Variants in COL5A3 observed in about 807,000 individuals in gnomAD.
COL5A3 encodes collagen type V alpha 3 chain.
COL5A3 carries 172 observed loss-of-function variants against 250.0 expected under a neutral mutation model. The observed-to-expected ratio is 0.69, with a 90% CI of 0.61 to 0.78. The LOEUF is 0.78. Ranked by LOEUF, COL5A3 falls within the 30% of genes least tolerant of loss-of-function variation. The pLI, the probability that COL5A3 is intolerant of heterozygous loss-of-function variation, is 0.00. For synonymous variants in COL5A3, 937 were observed against 900.4 expected (o/e 1.04, Z -0.73); for missense variants, 2,340 against 2,334.4 (o/e 1.00, Z -0.05).
rs749019591 is a variant in COL5A3, at chr19:9,977,211, C to T, written c.3288+18G>A. 34 of 1,612,494 alleles carry T rather than the reference C, an allele frequency of 2.1e-5. No homozygotes were observed. Among genetic ancestry groups the T allele is most frequent in the Non-Finnish European group, 2.9e-5 (34 of 1,178,678 alleles). The stretch of plus-strand genomic sequence containing the variant: ...CCGCTACCCACCCCACCCTGCCCCA[C>T]TGGGGACCTTCACTCACCGCGTCTC... On this transcript the variant is annotated intron_variant, in intron 44 of 66. Transcript: ENST00000264828.
chr19:9,996,561 C>A (rs765794137), intron 12 of COL5A3, 45 bp from the exon 13 acceptor site: 14 of 1,613,392 alleles, frequency 8.7e-6, no homozygotes, highest in Non-Finnish European at 1.1e-5. Flanking sequence ...GAGAGGCCCC[C>A]TCCTGGATCA....
At chr19:9,970,912 T>G in intron 53 of COL5A3, 63 bp downstream of exon 53, 15 of 1,074,782 alleles carry the variant, frequency 1.4e-5, no homozygotes, top group Non-Finnish European at 2.0e-5. Context: ...GCCCCCCCAA[T>G]TCACTCACTC....
In COL5A3 at chr19:9,995,643, G is replaced by T. The variant is rs375612457; in HGVS notation, c.1534-26C>A. 9 of 1,537,394 alleles carry T rather than the reference G, an allele frequency of 5.9e-6. No homozygotes were observed. In the African/African-American group the frequency reaches 1.1e-4, roughly 19 times the overall value. ...CTAGAAGAAAGCAAAAAGGAGGAAG[G>T]AAAGGAAAATAAGAAGAAAGAGGGA... On this transcript the variant is annotated intron_variant, in intron 15 of 66. Transcript: ENST00000264828.
chr19:10,009,163 TGTG>T lies in COL5A3; in HGVS notation c.88+1132_88+1134del, dbSNP rs769200555. Among the ~76,000 whole-genome samples the T allele has an allele frequency of 0.093, 3,218 of 34,720 alleles. 53 individuals carry two copies. Among genetic ancestry groups the T allele is most frequent in the Middle Eastern group, 0.17 (17 of 98 alleles). 22.8% of individuals were successfully genotyped at this position (34,720 alleles called of 152,430 possible). A position where few individuals can be genotyped will look rare whatever the true frequency, so the allele number is the denominator to read the frequency against. On this transcript the variant is annotated intron_variant, in intron 1 of 66. Coordinates refer to ENST00000264828, the MANE Select transcript of COL5A3 (RefSeq NM_015719.4). This position sits in a 1 kb window ranked among gnomAD's most constrained non-coding sequence, Gnocchi z 4.4. ...CTCCAAAGTAAGAAGTGTGCTGTGGTGTGTGTGTGTGTGTGTGTGTGTGTGTGT... is the reference window on the plus strand; with the variant it reads ...CTCCAAAGTAAGAAGTGTGCTGTGGTTGTGTGTGTGTGTGTGTGTGTGTGT...
chr19:9,996,701 A>T lies in COL5A3; in HGVS notation c.1264-12T>A, dbSNP rs748770269. 1.3e-6 allele frequency: 2 copies of T among 1,594,824 alleles called. No individual in the cohort carries two copies. The highest frequency in any genetic ancestry group is 1.7e-6 in the Non-Finnish European group (2 of 1,174,170). ...AGGCCAGCAGGGCCCTGAGAGAGGGATGGGGGAAGAGAGGTGGAGACAGGG... is the reference window on the plus strand; with the variant it reads ...AGGCCAGCAGGGCCCTGAGAGAGGGTTGGGGGAAGAGAGGTGGAGACAGGG... On this transcript the variant is annotated splice_polypyrimidine_tract_variant and intron_variant, in intron 11 of 66. Coordinates refer to ENST00000264828, the MANE Select transcript of COL5A3 (RefSeq NM_015719.4).
chr19:9,993,954 C>T, intron 16 of COL5A3, 148 bp from the exon 17 acceptor site: 1 of 684,012 alleles, frequency 1.5e-6, no homozygotes, highest in East Asian at 2.7e-5. Context: ...GTGGCACGTT[C>T]TCAGCTCACT....
intron 6 of COL5A3, among the ~76,000 whole-genome samples, chr19:10,002,738 A>G (rs757397892): frequency 6.6e-6 from 1 of 152,128 alleles, no homozygotes; most frequent in South Asian, 2.1e-4. Context: ...CCCATAAATG[A>G]GCGCAACAAA....
chr19:9,975,710 T>C (rs1372605085), intron 45 of COL5A3, among the ~76,000 whole-genome samples: 1 of 151,108 alleles, frequency 6.6e-6, no homozygotes, highest in African/African-American at 2.4e-5. Context: ...GATTCTGGAG[T>C]TGAGTTCACA....
Position 9,974,334 on chromosome 19 carries a change from G to A in COL5A3, c.3417C>T (p.Gly1139=), listed in dbSNP as rs759984181. The change falls in exon 46 of 67, where the codon GGC becomes GGT. Residue 1139 remains glycine, a synonymous_variant. Transcript: ENST00000264828. ...CAGGAGGGCCAATCACCCCCACAAA[G>A]CCTCTGACTCCGTCATCTCCTTTCT... is the stretch of plus-strand genomic sequence containing the variant. ...FGQKGDDGVR[G]FVGVIGPPGL... 1 of 1,612,578 alleles carries A rather than the reference G, an allele frequency of 6.2e-7. No individual in the cohort carries two copies.
chr19:9,985,827 C>A lies in COL5A3; in HGVS notation c.2406+15G>T, dbSNP rs1399344086. On this transcript the variant is annotated intron_variant, in intron 31 of 66. Coordinates refer to ENST00000264828, the MANE Select transcript of COL5A3 (RefSeq NM_015719.4). ...TGCCCATATCCATCTCCACCCCCCA[C>A]CCCCAGCTTCCTACCTTAGGTCCAG... 1 of 1,610,364 alleles carries A rather than the reference C, an allele frequency of 6.2e-7. No individual in the cohort carries two copies. Among genetic ancestry groups the A allele is most frequent in the African/African-American group, 1.3e-5 (1 of 74,802 alleles).
intron 4 of COL5A3, 71 bp downstream of exon 4, chr19:10,005,487 C>T: frequency 1.4e-6 from 2 of 1,471,372 alleles, no homozygotes; most frequent in African/African-American, 2.8e-5. Flanking sequence ...CTTTAATATC[C>T]TCTCCAGATT....
At chr19:9,980,173 C>T (rs117451207) in intron 35 of COL5A3, 126 bp from the exon 36 acceptor site, 18,152 of 889,238 alleles carry the variant, frequency 0.02, 270 homozygotes, top group Middle Eastern at 0.039. Flanking sequence ...ATGGGCAGGG[C>T]ATTCTCCACA....
rs201058207 is a variant in COL5A3, at chr19:9,986,516, C to G, written c.2244+37G>C. 486 of 1,612,874 alleles carry G rather than the reference C, an allele frequency of 3.0e-4. 10 individuals are homozygous for G. The East Asian group carries it at 8.7e-3, about 29-fold the overall frequency. Reference sequence around the variant, plus strand: ...CCCCTCCCTATCTTCCCCGAGCCCCCAGACCCACACCACCCCTCATCTGGA... The same window carrying G: ...CCCCTCCCTATCTTCCCCGAGCCCCGAGACCCACACCACCCCTCATCTGGA... On this transcript the variant is annotated intron_variant, in intron 29 of 66. Transcript: ENST00000264828.
chr19:9,969,277 CTCACTAGGTGG>C lies in COL5A3; in HGVS notation c.4152+61_4152+71del, dbSNP rs911961306. 8 of 1,338,026 alleles carry C rather than the reference CTCACTAGGTGG, an allele frequency of 6.0e-6. No individual in the cohort carries two copies. In the African/African-American group the frequency reaches 1.0e-4, roughly 17 times the overall value. 82.9% of individuals were successfully genotyped at this position (1,338,026 alleles called of 1,614,324 possible). On this transcript the variant is annotated intron_variant, in intron 57 of 66. Coordinates refer to ENST00000264828, the MANE Select transcript of COL5A3 (RefSeq NM_015719.4). ...CAGTGAGGGCTAGCCTGCACCAATG[CTCACTAGGTGG>C]TCACTAGGTGCCCAGAGTGGTCCTC...
intron 24 of COL5A3, 40 bp from the exon 25 acceptor site, chr19:9,989,562 C>T: frequency 1.3e-6 from 2 of 1,568,880 alleles, no homozygotes; most frequent in Non-Finnish European, 1.7e-6. Flanking sequence ...CAGAGGTGCT[C>T]AGAGCCCTGG....
At chr19:9,981,017 C>A in intron 33 of COL5A3, 71 bp downstream of exon 33, 1 of 1,561,158 alleles carries the variant, frequency 6.4e-7, no homozygotes, top group Non-Finnish European at 8.8e-7. Context: ...CAGATGACCT[C>A]TCCACTACCT....
Position 9,960,535 on chromosome 19 carries a change from G to T in COL5A3, c.5114C>A (p.Thr1705Asn). ...TCGAGAAGAGCTGAATTCGAAAAGG[G>T]TCTTCGTCTGTCCTTTCCGGAGCTG... is the stretch of plus-strand genomic sequence containing the variant. ...GCRLRKGQTKTLFEFSSSRAG... is the reference protein window; with the variant it reads ...GCRLRKGQTKNLFEFSSSRAG... Residue 1705 changes from threonine to asparagine, a missense_variant, in exon 67 of 67, where the codon ACC becomes AAC. This residue lies in a region of COL5A3 where 1,179 missense variants were observed against 1,162.6 expected (regional missense o/e 1.01). Coordinates refer to ENST00000264828, the MANE Select transcript of COL5A3 (RefSeq NM_015719.4). 6.2e-7 allele frequency: 1 copy of T among 1,614,148 alleles called. No individual in the cohort carries two copies. The highest frequency in any genetic ancestry group is 8.5e-7 in the Non-Finnish European group (1 of 1,180,028).
In COL5A3 at chr19:9,962,763, C is replaced by T. The variant is rs1050339084; in HGVS notation, c.4851+56G>A. ...TCTCAGAACCCACCCCTCAAACCCC[C>T]CTGCTGGTTCCCATCAATTTTCATG... On this transcript the variant is annotated intron_variant, in intron 65 of 66. Transcript: ENST00000264828. 47 of 1,412,022 alleles carry T rather than the reference C, an allele frequency of 3.3e-5. 1 individual carries two copies. The African/African-American group carries it at 6.5e-4, about 20-fold the overall frequency. The allele number at this position is 1,412,022 out of a possible 1,614,324, so 87.5% of individuals were successfully genotyped here. A position where few individuals can be genotyped will look rare whatever the true frequency, so the allele number is the denominator to read the frequency against.
In COL5A3 at chr19:9,970,154, G is replaced by T. The variant is rs74180156; in HGVS notation, c.3937-232C>A. On this transcript the variant is annotated intron_variant, in intron 54 of 66. Coordinates refer to ENST00000264828, the MANE Select transcript of COL5A3 (RefSeq NM_015719.4). Reference sequence around the variant, plus strand: ...GTGAGTGGAGGCTGTGGGTGAGTGGGGTCTGTGGGGTGAGTGGGGTCTGTG... The same window carrying T: ...GTGAGTGGAGGCTGTGGGTGAGTGGTGTCTGTGGGGTGAGTGGGGTCTGTG... Among the ~76,000 whole-genome samples the T allele has an allele frequency of 1.0e-3, 99 of 98,108 alleles. 4 individuals are homozygous for T. The highest frequency in any genetic ancestry group is 4.6e-3 in the African/African-American group (95 of 20,672). 64.4% of individuals were successfully genotyped at this position (98,108 alleles called of 152,430 possible).
Sources: allele counts gnomAD v4.1 joint callset (sites outside exome capture counted in the v4.1 genomes callset), GRCh38; gene constraint gnomAD v4.1.1; regional missense constraint gnomAD v4.1.1; non-coding constraint Gnocchi (gnomAD v3.1); transcripts MANE v1.5; gene names NCBI Gene and HGNC (gene_info 2026-07-23, HGNC 2026-07-21).